The following PPM1L variants were observed in gnomAD, a reference collection of about 807,000 sequenced individuals.
PPM1L encodes protein phosphatase, Mg2+/Mn2+ dependent 1L, also known as protein phosphatase 1L.
In PPM1L, 13 loss-of-function variants were observed where a neutral mutation model predicts 31.4. That is an observed-to-expected ratio of 0.41 (90% CI 0.27 to 0.66). The LOEUF (loss-of-function observed/expected upper bound fraction) is 0.66, where lower values mean the gene tolerates loss of function less well. PPM1L is among the 30% of genes least tolerant of loss of function. The probability of loss-of-function intolerance (pLI) is 0.29; values close to 1 mark genes in which losing one functional copy is unlikely to be tolerated. For missense variants in PPM1L, 326 were observed against 453.7 expected, an observed-to-expected ratio of 0.72 and a Z score of 2.56; for synonymous variants, 184 against 175.4, an observed-to-expected ratio of 1.05 and a Z score of -0.39.
chr3:160,996,479 G>A (rs1003381863), intron 2 of PPM1L, among the ~76,000 whole-genome samples: 25 of 152,130 alleles, frequency 1.6e-4, no homozygotes, highest in African/African-American at 6.0e-4. Flanking sequence ...TTTAATAATG[G>A]CATTCACAGC....
intron 1 of PPM1L, among the ~76,000 whole-genome samples, chr3:160,808,382 C>CCT (rs201559311): frequency 0.11 from 5,498 of 48,690 alleles, 321 homozygotes; most frequent in African/African-American, 0.24. Context: ...CCAGGATTTT[C>CCT]CTGTGTGTGT....
At chr3:161,039,385 T>C (rs1391510500) in intron 2 of PPM1L, among the ~76,000 whole-genome samples, 1 of 152,074 alleles carries the variant, frequency 6.6e-6, no homozygotes, top group African/African-American at 2.4e-5. Context: ...CTCAGCCATG[T>C]TAGGAAGTAA....
Position 160,972,938 on chromosome 3 carries a change from C to G in PPM1L, c.574+11028C>G, listed in dbSNP as rs561310652. On this transcript the variant is annotated intron_variant, in intron 2 of 3. Transcript: ENST00000498165. The stretch of plus-strand genomic sequence containing the variant: ...CTCACTGTGGTTTTGATTTGCATTT[C>G]TCTGATGGCCAGTGATGATGAGCAT... Among the ~76,000 whole-genome samples the G allele has an allele frequency of 6.6e-5, 10 of 151,946 alleles. No homozygotes were observed. In the East Asian group the frequency reaches 1.9e-3, roughly 29 times the overall value.
chr3:160,840,732 G>A (rs1560122294), intron 1 of PPM1L, among the ~76,000 whole-genome samples: 1 of 148,042 alleles, frequency 6.8e-6, no homozygotes, highest in Non-Finnish European at 1.5e-5. Flanking sequence ...GAGAGAGAGA[G>A]AGAGAGAGAA....
At chr3:161,012,268 G>A (rs1172756660) in intron 2 of PPM1L, among the ~76,000 whole-genome samples, 2 of 152,120 alleles carry the variant, frequency 1.3e-5, no homozygotes, top group Non-Finnish European at 1.5e-5. Flanking sequence ...TGCATCTATT[G>A]AGATCATCAT....
At chr3:160,988,812 G>A (rs778525627) in intron 2 of PPM1L, among the ~76,000 whole-genome samples, 3 of 152,162 alleles carry the variant, frequency 2.0e-5, no homozygotes, top group Non-Finnish European at 2.9e-5. Flanking sequence ...TAGTGGTAGT[G>A]CAGTTAACAG....
chr3:160,778,532 C>A (rs533797563), intron 1 of PPM1L, among the ~76,000 whole-genome samples: 99 of 152,016 alleles, frequency 6.5e-4, no homozygotes, highest in African/African-American at 2.3e-3. Context: ...AAAAGTGGTC[C>A]CTGTCTGAAT....
At chr3:160,783,533 G>A (rs1351714789) in intron 1 of PPM1L, among the ~76,000 whole-genome samples, 1 of 150,730 alleles carries the variant, frequency 6.6e-6, no homozygotes, top group African/African-American at 2.4e-5. Context: ...CCTGGAGATG[G>A]AGGTTGCAGT....
chr3:161,038,584 TTAAAAAAAAA>T (rs1263359760), intron 2 of PPM1L, among the ~76,000 whole-genome samples: 13 of 100,760 alleles, frequency 1.3e-4, no homozygotes, highest in African/African-American at 6.5e-4. Flanking sequence ...GGGATTTGTT[TTAAAAAAAAA>T]AAAAAAAAAA....
chr3:160,887,707 A>C (rs1712966920), intron 1 of PPM1L, among the ~76,000 whole-genome samples: 1 of 151,078 alleles, frequency 6.6e-6, no homozygotes, highest in Non-Finnish European at 1.5e-5. Context: ...CAGCCTCCCT[A>C]GTAGCTGGGA....
chr3:161,016,910 T>C (rs1390529759), intron 2 of PPM1L, among the ~76,000 whole-genome samples: 1 of 152,218 alleles, frequency 6.6e-6, no homozygotes, highest in Non-Finnish European at 1.5e-5. Flanking sequence ...TTGGAGAAGA[T>C]TGTGTTTTCC....
At chr3:160,866,806 A>G (rs776464487) in intron 1 of PPM1L, among the ~76,000 whole-genome samples, 2 of 152,184 alleles carry the variant, frequency 1.3e-5, no homozygotes, top group East Asian at 3.9e-4. Context: ...CTCTTGGACT[A>G]ATCTTTGGAC....
intron 2 of PPM1L, among the ~76,000 whole-genome samples, chr3:161,006,260 CAAAT>C (rs1480503906): frequency 6.6e-6 from 1 of 152,064 alleles, no homozygotes; most frequent in Non-Finnish European, 1.5e-5. Flanking sequence ...ATAAAAAAGA[CAAAT>C]ACTGTATGAG....
At chr3:161,006,025 A>G (rs1436472992) in intron 2 of PPM1L, among the ~76,000 whole-genome samples, 1 of 152,210 alleles carries the variant, frequency 6.6e-6, no homozygotes, top group East Asian at 1.9e-4. Flanking sequence ...TAACATAAAC[A>G]AAAAACACAG....
intron 2 of PPM1L, among the ~76,000 whole-genome samples, chr3:161,000,598 A>T (rs1717450552): frequency 6.6e-6 from 1 of 152,230 alleles, no homozygotes; most frequent in South Asian, 2.1e-4. Flanking sequence ...AGACCTTTAG[A>T]AGTACATTTT....
intron 1 of PPM1L, among the ~76,000 whole-genome samples, chr3:160,923,580 G>T (rs1195543694): frequency 6.6e-6 from 1 of 152,078 alleles, no homozygotes. Flanking sequence ...TCTCACTATT[G>T]CTCTCAAATC....
intron 1 of PPM1L, among the ~76,000 whole-genome samples, chr3:160,875,642 G>C (rs1712482217): frequency 6.6e-6 from 1 of 152,350 alleles, no homozygotes; most frequent in Admixed American, 6.5e-5. Context: ...ACTATGCTAA[G>C]TGCCTGCAGG....
intron 1 of PPM1L, among the ~76,000 whole-genome samples, chr3:160,795,424 A>C (rs1712218493): frequency 6.6e-6 from 1 of 152,140 alleles, no homozygotes; most frequent in Non-Finnish European, 1.5e-5. Flanking sequence ...CCCCACAAAC[A>C]AAACTGACTG....
At chr3:160,760,998 C>T (rs1161555058) in intron 1 of PPM1L, among the ~76,000 whole-genome samples, 1 of 152,156 alleles carries the variant, frequency 6.6e-6, no homozygotes, top group African/African-American at 2.4e-5. Flanking sequence ...CTCAGAAGCT[C>T]AGAAAATAAA....
Sources: gnomAD v4.1 joint callset for allele counts (sites outside exome capture counted in the v4.1 genomes callset) on GRCh38, gnomAD v4.1.1 for gene constraint, MANE v1.5 for transcripts, NCBI Gene and HGNC (gene_info 2026-07-23, HGNC 2026-07-21) for gene names.